Variants in DIP2B observed in about 807,000 individuals in gnomAD.
DIP2B encodes the protein DIP2 acetate--CoA ligase B (putative).
DIP2B carries 76 observed loss-of-function variants against 198.0 expected under a neutral mutation model. The ratio of observed to expected loss-of-function variants is 0.38; its 90% CI spans 0.32 to 0.46. The LOEUF is 0.46. Ranked by LOEUF, DIP2B falls within the 20% of genes least tolerant of loss-of-function variation. The pLI is 0.99. For synonymous variants in DIP2B, 701 were observed against 739.1 expected, an observed-to-expected ratio of 0.95 and a Z score of 0.84; for missense variants, 1,559 against 1,978.4, an observed-to-expected ratio of 0.79 and a Z score of 4.02.
chr12:50,506,605 A>AGT (rs35082997), intron 1 of DIP2B, among the ~76,000 whole-genome samples: 88,972 of 151,752 alleles, frequency 0.59, 26,415 homozygotes, highest in South Asian at 0.71. Context: ...TTCTTCGGCC[A>AGT]GTCCCGGGAA....
rs568282987 is a variant in DIP2B at position 50,577,210 on chromosome 12, A to G, written c.101-48766A>G. 2.6e-5 allele frequency among the ~76,000 whole-genome samples: 4 copies of G among 152,290 alleles called. No homozygotes were observed. In the East Asian group the frequency reaches 7.7e-4, roughly 29 times the overall value. The stretch of plus-strand genomic sequence containing the variant: ...AAGAGCTTTTGTTTAGGTAAGTTAT[A>G]TGTATCCCTGTTGACCCCATATTAG... On this transcript the variant is annotated intron_variant, in intron 1 of 37. Coordinates refer to ENST00000301180, the MANE Select transcript of DIP2B (RefSeq NM_173602.3).
chr12:50,602,308 G>C (rs987258044), intron 1 of DIP2B, among the ~76,000 whole-genome samples: 1 of 151,960 alleles, frequency 6.6e-6, no homozygotes, highest in Non-Finnish European at 1.5e-5. Context: ...TGGTTCTGTT[G>C]CCCAGGCTGG....
At chr12:50,559,585 T>C (rs1431891463) in intron 1 of DIP2B, among the ~76,000 whole-genome samples, 2 of 151,884 alleles carry the variant, frequency 1.3e-5, no homozygotes, top group African/African-American at 4.8e-5. Flanking sequence ...CACAAAAAAT[T>C]AGCCAGGTGT....
At chr12:50,663,417 C>A (rs930852241) in intron 4 of DIP2B, among the ~76,000 whole-genome samples, 3 of 150,780 alleles carry the variant, frequency 2.0e-5, no homozygotes, top group African/African-American at 4.9e-5. Context: ...ATTAGCCGGG[C>A]GTGGTGGCAG....
intron 10 of DIP2B, 151 bp downstream of exon 10, chr12:50,683,399 A>C: frequency 1.6e-6 from 1 of 612,008 alleles, no homozygotes; most frequent in South Asian, 2.1e-5. Context: ...TTGTAGAAAA[A>C]TTATTTATTA....
intron 3 of DIP2B, among the ~76,000 whole-genome samples, chr12:50,650,024 C>T (rs568528002): frequency 6.6e-6 from 1 of 152,166 alleles, no homozygotes; most frequent in East Asian, 1.9e-4. Context: ...GCCTGGCCAA[C>T]ATGATGAAAC....
chr12:50,536,492 C>G (rs1234879002), intron 1 of DIP2B, among the ~76,000 whole-genome samples: 2 of 151,960 alleles, frequency 1.3e-5, no homozygotes, highest in Non-Finnish European at 2.9e-5. Context: ...TGAGAACCAT[C>G]ATTCCCTAAT....
rs1938242941 is a variant in DIP2B at position 50,640,816 on chromosome 12, C to T, written c.265C>T (p.Arg89Ter). Residue 89 changes from arginine to a stop codon, truncating the protein, a stop_gained, in exon 3 of 38, where the codon CGA becomes TGA. Coordinates refer to ENST00000301180, the MANE Select transcript of DIP2B (RefSeq NM_173602.3). LOFTEE classifies it high-confidence loss of function. ...TSAPSKYHRT[R>*]SGGARDERYR... Reference sequence around the variant, plus strand: ...TGCTCCCTCTAAGTACCACCGAACTCGATCTGGGGGAGCCAGGGATGAACG... The same window carrying T: ...TGCTCCCTCTAAGTACCACCGAACTTGATCTGGGGGAGCCAGGGATGAACG... The T allele has an allele frequency of 1.9e-6, 3 of 1,613,962 alleles. No individual in the cohort carries two copies. Among genetic ancestry groups the T allele is most frequent in the Non-Finnish European group, 2.5e-6 (3 of 1,179,872 alleles).
At position 50,744,845 on chromosome 12, in the gene DIP2B, C is replaced by T. The variant is rs761409469; in HGVS notation, c.*6C>T. On this transcript the variant is annotated 3_prime_UTR_variant, in exon 38 of 38. Transcript: ENST00000301180. ...ACGTGGCTTATAACATGTAACCAGC[C>T]TTGTGGGGACTGCAGTGGGCCATTC... 2 of 1,613,632 alleles carry T rather than the reference C, an allele frequency of 1.2e-6. No homozygotes were observed. Among genetic ancestry groups the T allele is most frequent in the Non-Finnish European group, 1.7e-6 (2 of 1,179,590 alleles).
chr12:50,742,634 G>A (rs941503025), intron 37 of DIP2B, among the ~76,000 whole-genome samples: 1 of 152,010 alleles, frequency 6.6e-6, no homozygotes, highest in Non-Finnish European at 1.5e-5. Context: ...GGTGGCTCAC[G>A]CCTATAATCC....
At chr12:50,505,716 T>C (rs1273516495) in intron 1 of DIP2B, among the ~76,000 whole-genome samples, 3 of 152,096 alleles carry the variant, frequency 2.0e-5, no homozygotes, top group African/African-American at 7.2e-5. Flanking sequence ...TTCTTCTCTT[T>C]CCTTTAACAA....
chr12:50,646,737 A>T (rs1194660480), intron 3 of DIP2B, among the ~76,000 whole-genome samples: 3 of 152,104 alleles, frequency 2.0e-5, no homozygotes, highest in African/African-American at 7.2e-5. Flanking sequence ...ATTGTTCTTA[A>T]TGACTTTTAC....
At chr12:50,733,664 G>A (rs940057151) in intron 32 of DIP2B, among the ~76,000 whole-genome samples, 5 of 152,122 alleles carry the variant, frequency 3.3e-5, no homozygotes, top group African/African-American at 9.7e-5. Flanking sequence ...TGATTGTACC[G>A]CTGCACTCCA....
Position 50,739,464 on chromosome 12 carries a change from A to C in DIP2B, c.4232A>C (p.Glu1411Ala). Residue 1411 changes from glutamate (E) to alanine (A), a missense_variant, in exon 36 of 38, where the codon GAG becomes GCG. Physicochemically the swap from Glu to Ala is moderately radical, Grantham distance 107 (BLOSUM62 -1). Coordinates refer to ENST00000301180, the MANE Select transcript of DIP2B (RefSeq NM_173602.3). ...ASGYYTIYDS[E>A]TLQADHFNTR... The stretch of plus-strand genomic sequence containing the variant: ...GGCTACTACACCATCTATGATAGCG[A>C]GACTCTTCAAGCTGATCATTTCAAC... 6.2e-7 allele frequency: 1 copy of C among 1,614,212 alleles called. No individual in the cohort carries two copies. Among genetic ancestry groups the C allele is most frequent in the Non-Finnish European group, 8.5e-7 (1 of 1,180,024 alleles).
chr12:50,630,663 C>CTTTTTTTTTTTTTT (rs11327858), intron 2 of DIP2B, among the ~76,000 whole-genome samples: 1 of 74,566 alleles, frequency 1.3e-5, no homozygotes, highest in Non-Finnish European at 2.6e-5. Flanking sequence ...TCTTTCTTTT[C>CTTTTTTTTTTTTTT]TTTTTTTTTT....
chr12:50,517,223 A>G (rs970188836), intron 1 of DIP2B, among the ~76,000 whole-genome samples: 1 of 151,850 alleles, frequency 6.6e-6, no homozygotes, highest in African/African-American at 2.4e-5. Context: ...CCGACCAAAA[A>G]ATTTGTTTTA....
Position 50,697,161 on chromosome 12 carries a change from T to G in DIP2B, c.2034T>G (p.Thr678=). 1.2e-6 allele frequency: 2 copies of G among 1,614,054 alleles called. No individual in the cohort carries two copies. The highest frequency in any genetic ancestry group is 1.7e-6 in the Non-Finnish European group (2 of 1,179,940). The change falls in exon 17 of 38, where the codon ACT becomes ACG. Residue 678 remains threonine (T), a synonymous_variant. Transcript: ENST00000301180. ...CPCATSAEAM[T]VAIRRPGVPG... ...GCGCCACGTCTGCTGAAGCCATGAC[T>G]GTAGCAATCCGCAGGTACTGTTCAG...
intron 1 of DIP2B, among the ~76,000 whole-genome samples, chr12:50,600,616 A>T (rs1051263754): frequency 6.6e-6 from 1 of 152,138 alleles, no homozygotes; most frequent in Non-Finnish European, 1.5e-5. Flanking sequence ...ATAAGTTTTT[A>T]AATCAGTGGC....
At chr12:50,564,121 C>T (rs542006694) in intron 1 of DIP2B, among the ~76,000 whole-genome samples, 10 of 150,814 alleles carry the variant, frequency 6.6e-5, no homozygotes, top group African/African-American at 2.2e-4. Flanking sequence ...TGGGTTCTTG[C>T]GTGTGTGTGT....
Sources: allele counts gnomAD v4.1 joint callset (sites outside exome capture counted in the v4.1 genomes callset), GRCh38; gene constraint gnomAD v4.1.1; transcripts MANE v1.5; gene names NCBI Gene and HGNC (gene_info 2026-07-23, HGNC 2026-07-21).